Variants in DNAH17 observed in about 807,000 individuals in gnomAD.
The protein encoded by DNAH17 is axonemal beta dynein heavy chain 17.
A neutral mutation model predicts 485.6 loss-of-function variants in DNAH17; 376 were observed. That is an observed-to-expected ratio of 0.77 (90% confidence interval 0.71 to 0.84). The LOEUF (loss-of-function observed/expected upper bound fraction) is 0.84. DNAH17 is among the 40% of genes least tolerant of loss of function. DNAH17 has a pLI of 0.00. For synonymous variants in DNAH17, 3,031 were observed against 2,405.9 expected (o/e 1.26, Z -7.60); for missense variants, 6,370 against 5,839.3 (o/e 1.09, Z -2.96).
intron 62 of DNAH17, 46 bp from the exon 63 acceptor site, chr17:78,455,882 G>A: frequency 6.7e-7 from 1 of 1,482,802 alleles, no homozygotes; most frequent in Non-Finnish European, 9.0e-7. Flanking sequence ...ACAAGTGAGG[G>A]GACTGGACCA....
intron 9 of DNAH17, among the ~76,000 whole-genome samples, chr17:78,568,955 C>T (rs558857472): frequency 1.3e-5 from 2 of 152,116 alleles, no homozygotes; most frequent in Non-Finnish European, 2.9e-5. Context: ...GAGAAGCACC[C>T]GAAGTGGGTC....
At chr17:78,501,112 C>A in intron 35 of DNAH17, 72 bp downstream of exon 35, 1 of 1,474,642 alleles carries the variant, frequency 6.8e-7, no homozygotes, top group Non-Finnish European at 9.1e-7. Flanking sequence ...ACCTCCAAGT[C>A]GGACAGTTCC....
At chr17:78,519,641 G>C (rs1469502220) in intron 25 of DNAH17, among the ~76,000 whole-genome samples, 3 of 152,166 alleles carry the variant, frequency 2.0e-5, no homozygotes, top group African/African-American at 7.2e-5. Flanking sequence ...GGATAGTATG[G>C]AACTAGTATA....
At chr17:78,545,205 C>T (rs753297171) in intron 16 of DNAH17, among the ~76,000 whole-genome samples, 2 of 152,178 alleles carry the variant, frequency 1.3e-5, no homozygotes, top group Non-Finnish European at 2.9e-5. Flanking sequence ...AGTTTTTCTA[C>T]TGATGCTTTT....
chr17:78,527,554 G>A (rs1008763536), intron 22 of DNAH17, among the ~76,000 whole-genome samples: 3 of 152,162 alleles, frequency 2.0e-5, no homozygotes, highest in East Asian at 3.9e-4. Flanking sequence ...TTTATCCCAC[G>A]TATGGATTTG....
chr17:78,484,747 C>CA, intron 48 of DNAH17, 121 bp downstream of exon 48: 1 of 253,604 alleles, frequency 3.9e-6, no homozygotes, highest in South Asian at 5.0e-5. Context: ...GCACCCCCCC[C>CA]ACCGCCCCAC....
chr17:78,472,775 G>C (rs780010024), intron 54 of DNAH17: 5 of 454,274 alleles, frequency 1.1e-5, no homozygotes, highest in African/African-American at 1.0e-4. Context: ...CTCCCTTCTC[G>C]TCGCACCTGC....
Position 78,525,367 on chromosome 17 carries a change from G to A in DNAH17, c.3712-206C>T, listed in dbSNP as rs77212525. On this transcript the variant is annotated intron_variant, in intron 24 of 80. Coordinates refer to ENST00000389840, the MANE Select transcript of DNAH17 (RefSeq NM_173628.4). Reference sequence around the variant, plus strand: ...CTGGGTCCTGCCTGCAGGGGAGGGCGGGTGACCTCTACCCACACCAGCGTG... The same window carrying A: ...CTGGGTCCTGCCTGCAGGGGAGGGCAGGTGACCTCTACCCACACCAGCGTG... Among the ~76,000 whole-genome samples, 976 of 152,332 alleles carry A rather than the reference G, an allele frequency of 6.4e-3. 25 individuals are homozygous for A. Among genetic ancestry groups the A allele is most frequent in the East Asian group, 0.046 (237 of 5,182 alleles).
chr17:78,545,703 C>T (rs7223769), intron 16 of DNAH17, among the ~76,000 whole-genome samples: 24,697 of 152,124 alleles, frequency 0.16, 2,089 homozygotes, highest in African/African-American at 0.2. Context: ...TATAATAATG[C>T]TGTGTTAGCC....
intron 26 of DNAH17, 107 bp downstream of exon 26, chr17:78,514,667 C>T: frequency 1.4e-6 from 2 of 1,431,580 alleles, no homozygotes; most frequent in Non-Finnish European, 1.9e-6. Context: ...ATTGGCTTTA[C>T]CAGCATCGGG....
chr17:78,468,874 C>T lies in DNAH17; in HGVS notation c.8521G>A (p.Ala2841Thr), dbSNP rs377673048. Residue 2841 changes from alanine (A) to threonine (T), a missense_variant, in exon 55 of 81, where the codon GCT becomes ACT. Coordinates refer to ENST00000389840, the MANE Select transcript of DNAH17 (RefSeq NM_173628.4). ...YGIPDLKIDL[A>T]AQYIKAAVKN... ...ACGGCAGCCTTTATGTACTGAGCAG[C>T]GAGGTCAATCTGGACGGAGTGAGGA... is the stretch of plus-strand genomic sequence containing the variant. The T allele has an allele frequency of 2.0e-5, 32 of 1,612,878 alleles. No homozygotes were observed. The highest frequency in any genetic ancestry group is 8.3e-5 in the Admixed American group (5 of 59,998).
intron 49 of DNAH17, 80 bp downstream of exon 49, chr17:78,480,604 C>T: frequency 7.8e-7 from 1 of 1,279,872 alleles, no homozygotes; most frequent in Non-Finnish European, 1.1e-6. Flanking sequence ...ACACCCTAAA[C>T]CAAAGCTTTT....
rs74001316 is a variant in DNAH17 at position 78,426,897 on chromosome 17, T to G, written c.12771+29A>C. The G allele has an allele frequency of 1.7e-3, 2,743 of 1,577,944 alleles. 40 individuals are homozygous for G. In the African/African-American group the frequency reaches 0.032, roughly 18 times the overall value. ...CTGCTGGTTTCACCATCCAGCCACG[T>G]CCCTGGGGCCGGGCTGACCCATGTT... On this transcript the variant is annotated intron_variant, in intron 78 of 80. Coordinates refer to ENST00000389840, the MANE Select transcript of DNAH17 (RefSeq NM_173628.4).
intron 20 of DNAH17, 141 bp from the exon 21 acceptor site, chr17:78,530,653 G>A (rs1466363607): frequency 1.0e-6 from 1 of 977,018 alleles, no homozygotes; most frequent in Admixed American, 2.5e-5. Flanking sequence ...GTCAGCAAAG[G>A]GCAGTACGGG....
intron 69 of DNAH17, 121 bp from the exon 70 acceptor site, chr17:78,445,801 G>A (rs1348706983): frequency 4.5e-6 from 5 of 1,115,426 alleles, no homozygotes; most frequent in Non-Finnish European, 5.1e-6. Context: ...GCCCTGTCCT[G>A]CCCCTTTGGT....
chr17:78,488,542 G>A (rs750485202), intron 44 of DNAH17, among the ~76,000 whole-genome samples: 21 of 152,092 alleles, frequency 1.4e-4, no homozygotes, highest in Non-Finnish European at 2.6e-4. Context: ...TCCTGTCCCC[G>A]TGTCTCAGCA....
chr17:78,460,345 CAT>C, intron 58 of DNAH17, 88 bp from the exon 59 acceptor site: 1 of 977,992 alleles, frequency 1.0e-6, no homozygotes, highest in Non-Finnish European at 1.5e-6. Flanking sequence ...CATGTGTGTG[CAT>C]GTGTGTGCAT....
At chr17:78,429,589 G>T (rs139432269) in intron 75 of DNAH17, among the ~76,000 whole-genome samples, 2 of 152,328 alleles carry the variant, frequency 1.3e-5, no homozygotes, top group African/African-American at 4.8e-5. Context: ...CAGCCGGCAT[G>T]CTCTGCACCT....
chr17:78,546,791 A>AG (rs1038923176), intron 16 of DNAH17, among the ~76,000 whole-genome samples: 11 of 152,140 alleles, frequency 7.2e-5, no homozygotes, highest in Non-Finnish European at 1.6e-4. Flanking sequence ...CTGTAATCCC[A>AG]GCTATTTGGG....
Sources: allele counts gnomAD v4.1 joint callset (sites outside exome capture counted in the v4.1 genomes callset), GRCh38; gene constraint gnomAD v4.1.1; transcripts MANE v1.5; gene names NCBI Gene and HGNC (gene_info 2026-07-23, HGNC 2026-07-21).